Variants in BABAM2 observed in about 807,000 individuals in gnomAD.
BABAM2 encodes the protein BRISC and BRCA1-A complex member 2.
BABAM2 carries 31 observed loss-of-function variants against 54.7 expected under a neutral mutation model. That is an observed-to-expected ratio of 0.57 (90% CI 0.43 to 0.77). The LOEUF is 0.77. Among genes scored for constraint, BABAM2 ranks in the 30% least tolerant of loss-of-function variants. BABAM2 has a pLI of 0.00. For missense variants in BABAM2, 364 were observed against 455.8 expected (o/e 0.80, Z 1.83); for synonymous variants, 167 against 162.9 (o/e 1.03, Z -0.19).
At chr2:28,080,160 A>G (rs927987499) in intron 6 of BABAM2, among the ~76,000 whole-genome samples, 1 of 152,088 alleles carries the variant, frequency 6.6e-6, no homozygotes, top group Admixed American at 6.6e-5. Context: ...ATCTTTTATC[A>G]TATTTGTCTT....
At chr2:28,203,427 G>A (rs1291617338) in intron 7 of BABAM2, among the ~76,000 whole-genome samples, 3 of 152,104 alleles carry the variant, frequency 2.0e-5, no homozygotes, top group South Asian at 4.1e-4. Flanking sequence ...CTTGTGTGAG[G>A]GTGGGTGTCT....
intron 4 of BABAM2, among the ~76,000 whole-genome samples, chr2:27,994,516 T>C (rs577891124): frequency 1.3e-5 from 2 of 152,368 alleles, no homozygotes; most frequent in Middle Eastern, 3.4e-3. Flanking sequence ...TGCTGACTTA[T>C]GATGTCATCA....
At position 28,091,758 on chromosome 2, in the gene BABAM2, G is replaced by A. The variant is rs375057102; in HGVS notation, c.571-37513G>A. ...AACTATGAAACTAAAGTGAAATGTG[G>A]CTTAGTTTTTTCCTTATGCATACTT... is the stretch of plus-strand genomic sequence containing the variant. On this transcript the variant is annotated intron_variant, in intron 6 of 11. Transcript: ENST00000379624. Among the ~76,000 whole-genome samples, 25 of 152,234 alleles carry A rather than the reference G, an allele frequency of 1.6e-4. No homozygotes were observed. In the South Asian group the frequency reaches 5.2e-3, roughly 32 times the overall value.
intron 11 of BABAM2, among the ~76,000 whole-genome samples, chr2:28,328,172 G>A (rs1167806679): frequency 1.3e-5 from 2 of 152,196 alleles, no homozygotes; most frequent in East Asian, 1.9e-4. Context: ...GACACGAGGC[G>A]AGTAACCCCA....
At chr2:28,136,701 T>A (rs1306779222) in intron 7 of BABAM2, among the ~76,000 whole-genome samples, 1 of 152,146 alleles carries the variant, frequency 6.6e-6, no homozygotes, top group African/African-American at 2.4e-5. Context: ...TGTGACCTAA[T>A]ATAGTCCTGT....
chr2:27,947,390 T>C (rs1279269836), intron 3 of BABAM2, among the ~76,000 whole-genome samples: 1 of 152,164 alleles, frequency 6.6e-6, no homozygotes, highest in Non-Finnish European at 1.5e-5. Flanking sequence ...AAAAATACTA[T>C]AATACTTCAT....
intron 3 of BABAM2, among the ~76,000 whole-genome samples, chr2:27,972,917 C>A (rs1273115753): frequency 3.3e-5 from 5 of 151,658 alleles, no homozygotes; most frequent in Non-Finnish European, 7.4e-5. Flanking sequence ...CAGGCGCGCA[C>A]CCCCACACCT....
chr2:28,121,303 A>C (rs2148750577), intron 6 of BABAM2, among the ~76,000 whole-genome samples: 2 of 152,248 alleles, frequency 1.3e-5, no homozygotes, highest in South Asian at 4.1e-4. Flanking sequence ...TGGCTCTTGT[A>C]CATTTCCCAG....
chr2:28,254,664 G>T (rs1217800150), intron 10 of BABAM2, among the ~76,000 whole-genome samples: 1 of 151,746 alleles, frequency 6.6e-6, no homozygotes, highest in African/African-American at 2.4e-5. Flanking sequence ...TTGATGCAAG[G>T]GAAATGTTGT....
chr2:28,108,564 C>T (rs1485691019), intron 6 of BABAM2, among the ~76,000 whole-genome samples: 1 of 152,196 alleles, frequency 6.6e-6, no homozygotes, highest in Non-Finnish European at 1.5e-5. Flanking sequence ...ATCTGTTCAT[C>T]AGCACTTCTA....
At chr2:28,239,171 C>T (rs963758389) in intron 8 of BABAM2, among the ~76,000 whole-genome samples, 1 of 152,210 alleles carries the variant, frequency 6.6e-6, no homozygotes, top group Admixed American at 6.5e-5. Flanking sequence ...CTCAAAATAA[C>T]ATTTCTGATC....
chr2:28,242,786 C>G (rs895361961), intron 9 of BABAM2, among the ~76,000 whole-genome samples: 1 of 152,076 alleles, frequency 6.6e-6, no homozygotes, highest in Non-Finnish European at 1.5e-5. Flanking sequence ...TTTCATTTCT[C>G]CGAAATAGAA....
chr2:28,307,353 G>T (rs748698164), intron 11 of BABAM2, among the ~76,000 whole-genome samples: 9 of 150,248 alleles, frequency 6.0e-5, no homozygotes, highest in Non-Finnish European at 1.0e-4. Flanking sequence ...TAAATAATAA[G>T]CTTACTGGGT....
At chr2:28,283,249 G>T (rs1422750447) in intron 10 of BABAM2, among the ~76,000 whole-genome samples, 2 of 152,168 alleles carry the variant, frequency 1.3e-5, no homozygotes, top group African/African-American at 4.8e-5. Context: ...AGCAGTTGAG[G>T]CAGTTCACCA....
At chr2:28,250,743 G>C (rs1573932120) in intron 10 of BABAM2, among the ~76,000 whole-genome samples, 1 of 151,982 alleles carries the variant, frequency 6.6e-6, no homozygotes, top group East Asian at 1.9e-4. Flanking sequence ...AGGATTACAG[G>C]CATGTGCCAC....
Position 28,111,247 on chromosome 2 carries a change from C to T in BABAM2, c.571-18024C>T, listed in dbSNP as rs551465146. Among the ~76,000 whole-genome samples, 74 of 151,310 alleles carry T rather than the reference C, an allele frequency of 4.9e-4. No homozygotes were observed. In the Middle Eastern group the frequency reaches 0.01, roughly 21 times the overall value. ...CCACCCACCTTGGCCTCCCAAAATT[C>T]TGGGATTACAGGTATGAGCCATCAC... On this transcript the variant is annotated intron_variant, in intron 6 of 11. Coordinates refer to ENST00000379624, the MANE Select transcript of BABAM2 (RefSeq NM_199191.3).
At chr2:27,893,225 T>G (rs1305561574) in intron 1 of BABAM2, among the ~76,000 whole-genome samples, 4 of 152,180 alleles carry the variant, frequency 2.6e-5, no homozygotes, top group African/African-American at 9.7e-5. Context: ...GGCTTTCATT[T>G]AGAAATCTAT....
At chr2:28,120,106 T>C (rs1373617053) in intron 6 of BABAM2, among the ~76,000 whole-genome samples, 1 of 152,254 alleles carries the variant, frequency 6.6e-6, no homozygotes, top group East Asian at 1.9e-4. Context: ...GTGACTTCTA[T>C]AGCCTTTAGT....
At chr2:28,302,413 T>C (rs1688180685) in intron 11 of BABAM2, among the ~76,000 whole-genome samples, 1 of 86,272 alleles carries the variant, frequency 1.2e-5, no homozygotes, top group Non-Finnish European at 2.3e-5. Flanking sequence ...CGAGACTCCA[T>C]CTCAAAAAAA....
Sources: gnomAD v4.1 joint callset for allele counts (sites outside exome capture counted in the v4.1 genomes callset) on GRCh38, gnomAD v4.1.1 for gene constraint, MANE v1.5 for transcripts, NCBI Gene and HGNC (gene_info 2026-07-23, HGNC 2026-07-21) for gene names.